Variants in GABRG3 observed in about 807,000 individuals in gnomAD.
The protein encoded by GABRG3 is gamma-aminobutyric acid receptor subunit gamma-3.
In GABRG3, 25 loss-of-function variants were observed where a neutral mutation model predicts 48.8. The ratio of observed to expected loss-of-function variants is 0.51; its 90% CI spans 0.37 to 0.72. The LOEUF (loss-of-function observed/expected upper bound fraction) is 0.72, where lower values mean the gene tolerates loss of function less well. GABRG3 is among the 30% of genes least tolerant of loss of function. The pLI is 0.00. For missense variants in GABRG3, 394 were observed against 577.9 expected (o/e 0.68, Z 3.26); for synonymous variants, 227 against 217.6 (o/e 1.04, Z -0.38).
intron 3 of GABRG3, among the ~76,000 whole-genome samples, chr15:27,049,994 TATA>T (rs1213698964): frequency 8.5e-5 from 13 of 152,342 alleles, no homozygotes; most frequent in African/African-American, 2.9e-4. Context: ...GAATAAGACC[TATA>T]ATAAGTGGGT....
chr15:27,295,311 C>A (rs948492937), intron 3 of GABRG3: 1 of 152,186 alleles, frequency 6.6e-6, no homozygotes, highest in African/African-American at 2.4e-5. Context: ...CTTCCTACTT[C>A]TCTCACTTTA....
rs1889952555 is a variant in GABRG3 at position 27,236,083 on chromosome 15, T to C, written c.271-90726T>C. ...AGACATATTTTGGGGTAGCATATTC[T>C]GGTCTCCTAGTTATATATATTTTTG... On this transcript the variant is annotated intron_variant, in intron 3 of 9. Transcript: ENST00000615808. The surrounding 1 kb of genome is among the most constrained non-coding windows in gnomAD (Gnocchi z 4.4). 6.6e-6 allele frequency among the ~76,000 whole-genome samples: 1 copy of C among 152,230 alleles called. No individual in the cohort carries two copies. The highest frequency in any genetic ancestry group is 1.5e-5 in the Non-Finnish European group (1 of 68,032).
intron 5 of GABRG3, among the ~76,000 whole-genome samples, chr15:27,414,094 G>T (rs186339422): frequency 6.6e-6 from 1 of 152,302 alleles, no homozygotes; most frequent in East Asian, 1.9e-4. Context: ...CAAACACTAG[G>T]TAACCTCTAC....
Position 26,971,515 on chromosome 15 carries a change from C to G in GABRG3, c.-21C>G. 1 of 1,506,840 alleles carries G rather than the reference C, an allele frequency of 6.6e-7. No individual in the cohort carries two copies. The highest frequency in any genetic ancestry group is 8.9e-7 in the Non-Finnish European group (1 of 1,127,186). 93.3% of individuals were successfully genotyped at this position (1,506,840 alleles called of 1,614,324 possible). ...CGCCCGGCCGAGGCCCCGGACCCTG[C>G]GCCCCGAGCTCCACGGCACCATGGC... On this transcript the variant is annotated 5_prime_UTR_variant, in exon 1 of 10. Coordinates refer to ENST00000615808, the MANE Select transcript of GABRG3 (RefSeq NM_033223.5).
chr15:27,096,079 C>A (rs1348232304), intron 3 of GABRG3, among the ~76,000 whole-genome samples: 1 of 152,220 alleles, frequency 6.6e-6, no homozygotes, highest in Non-Finnish European at 1.5e-5. Context: ...CGGTTCCCAG[C>A]AAAGTATAGC....
rs138777039 is a variant in GABRG3 at position 27,214,313 on chromosome 15, A to G, written c.271-112496A>G. On this transcript the variant is annotated intron_variant, in intron 3 of 9. Transcript: ENST00000615808. ...AGGCTACTTACTTAAGGAGATGGCC[A>G]TGAGATGCCGACAAGGCCCCTGTAA... Among the ~76,000 whole-genome samples, 126 of 152,370 alleles carry G rather than the reference A, an allele frequency of 8.3e-4. 2 individuals carry two copies. Among genetic ancestry groups the G allele is most frequent in the African/African-American group, 2.6e-3 (110 of 41,590 alleles).
At chr15:27,233,766 G>A (rs1243184043) in intron 3 of GABRG3, among the ~76,000 whole-genome samples, 2 of 152,164 alleles carry the variant, frequency 1.3e-5, no homozygotes, top group Admixed American at 1.3e-4. Context: ...CCAGACGCCT[G>A]TACAAACTAC....
chr15:27,452,512 A>C (rs1889140775), intron 5 of GABRG3, among the ~76,000 whole-genome samples: 1 of 152,204 alleles, frequency 6.6e-6, no homozygotes, highest in Admixed American at 6.5e-5. Flanking sequence ...CTATAACAAA[A>C]ACAGTCAATT....
In GABRG3 at chr15:27,021,091, G is replaced by C. The variant is rs1356238053; in HGVS notation, c.203-5663G>C. On this transcript the variant is annotated intron_variant, in intron 2 of 9. Coordinates refer to ENST00000615808, the MANE Select transcript of GABRG3 (RefSeq NM_033223.5). ...AGAAAAGACAAATATTTAAGGCAAT[G>C]GATATTCCAATGACACTGATTTGAT... Among the ~76,000 whole-genome samples the C allele has an allele frequency of 5.3e-5, 8 of 152,030 alleles. No individual in the cohort carries two copies. In the East Asian group the frequency reaches 1.3e-3, roughly 26 times the overall value.
intron 6 of GABRG3, among the ~76,000 whole-genome samples, chr15:27,492,399 T>G (rs1169560244): frequency 6.6e-6 from 1 of 152,234 alleles, no homozygotes; most frequent in East Asian, 1.9e-4. Context: ...GTTAATGCGC[T>G]GCTCCCAGCA....
intron 5 of GABRG3, among the ~76,000 whole-genome samples, chr15:27,357,786 A>G (rs141301901): frequency 1.6e-3 from 247 of 152,326 alleles, no homozygotes; most frequent in African/African-American, 5.7e-3. Context: ...TCAGATAATG[A>G]TGCATACTCT....
intron 3 of GABRG3, among the ~76,000 whole-genome samples, chr15:27,321,325 A>G (rs551421127): frequency 3.3e-5 from 5 of 152,370 alleles, no homozygotes; most frequent in Admixed American, 2.6e-4. Flanking sequence ...TAAGCTGGGA[A>G]GAATGCTCAA....
At chr15:27,229,475 T>TG (rs1889731395) in intron 3 of GABRG3, among the ~76,000 whole-genome samples, 1 of 151,204 alleles carries the variant, frequency 6.6e-6, no homozygotes, top group South Asian at 2.1e-4. Flanking sequence ...GTGTGTGTGT[T>TG]GTTGTTTGTT....
intron 5 of GABRG3, among the ~76,000 whole-genome samples, chr15:27,342,005 G>A (rs1595690117): frequency 6.6e-6 from 1 of 152,208 alleles, no homozygotes; most frequent in Non-Finnish European, 1.5e-5. Flanking sequence ...AAGAGACAAT[G>A]TTCCATTCTC....
At chr15:27,511,404 A>G (rs1285890677) in intron 6 of GABRG3, among the ~76,000 whole-genome samples, 1 of 152,234 alleles carries the variant, frequency 6.6e-6, no homozygotes, top group Non-Finnish European at 1.5e-5. Flanking sequence ...AAGAAGGGAC[A>G]GGCCCATTCC....
At chr15:27,217,268 C>T (rs965809974) in intron 3 of GABRG3, among the ~76,000 whole-genome samples, 7 of 152,174 alleles carry the variant, frequency 4.6e-5, no homozygotes, top group African/African-American at 1.7e-4. Context: ...TTGGAACCAA[C>T]CCAAATGACC....
chr15:27,169,818 A>C (rs1364585240), intron 3 of GABRG3, among the ~76,000 whole-genome samples: 4 of 152,186 alleles, frequency 2.6e-5, no homozygotes, highest in Non-Finnish European at 5.9e-5. Context: ...CCAGAGGGGA[A>C]GAAAGACATT....
intron 5 of GABRG3, among the ~76,000 whole-genome samples, chr15:27,413,077 C>T (rs989538575): frequency 2.0e-5 from 3 of 151,764 alleles, no homozygotes; most frequent in African/African-American, 7.2e-5. Context: ...TCAAAGCAAC[C>T]AAAAAAATGA....
chr15:26,980,387 G>C lies in GABRG3; in HGVS notation c.202+3237G>C, dbSNP rs185379409. 2.1e-3 allele frequency among the ~76,000 whole-genome samples: 317 copies of C among 152,060 alleles called. 2 individuals carry two copies. The highest frequency in any genetic ancestry group is 4.4e-3 in the South Asian group (21 of 4,816). ...TTTCTTCTTTTTGAAGTAGAACTTA[G>C]ATTCTTTTGGCCGGGTGCGGTGGCT... On this transcript the variant is annotated intron_variant, in intron 2 of 9. Transcript: ENST00000615808.
Sources: allele counts gnomAD v4.1 joint callset (sites outside exome capture counted in the v4.1 genomes callset), GRCh38; gene constraint gnomAD v4.1.1; non-coding constraint Gnocchi (gnomAD v3.1); transcripts MANE v1.5; gene names NCBI Gene and HGNC (gene_info 2026-07-23, HGNC 2026-07-21).